The following GRID1 variants were observed in gnomAD, a reference collection of about 807,000 sequenced individuals.
The protein encoded by GRID1 is glutamate ionotropic receptor delta type subunit 1.
In GRID1, 28 loss-of-function variants were observed where a neutral mutation model predicts 98.0. That is an observed-to-expected ratio of 0.29 (90% CI 0.21 to 0.39). The LOEUF (loss-of-function observed/expected upper bound fraction) is 0.39. Among genes scored for constraint, GRID1 ranks in the 10% least tolerant of loss-of-function variants. The pLI is 1.00. For synonymous variants in GRID1, 553 were observed against 538.5 expected (o/e 1.03, Z -0.37); for missense variants, 1,111 against 1,340.5 (o/e 0.83, Z 2.67).
At chr10:85,893,104 C>A (rs770863648) in intron 5 of GRID1, among the ~76,000 whole-genome samples, 64 of 152,020 alleles carry the variant, frequency 4.2e-4, no homozygotes, top group African/African-American at 6.3e-4. Flanking sequence ...CAATTTAGTT[C>A]TCCACCCTAA....
rs145987600 is a variant in GRID1 at position 86,280,375 on chromosome 10, C to G, written c.236-73727G>C. On this transcript the variant is annotated intron_variant, in intron 2 of 15. Transcript: ENST00000327946. Reference sequence around the variant, plus strand: ...TCTTCTCCCTCCTCTACTTGCTGCTCCTTCAATGATTCCTTGTTCTTCATT... The same window carrying G: ...TCTTCTCCCTCCTCTACTTGCTGCTGCTTCAATGATTCCTTGTTCTTCATT... Among the ~76,000 whole-genome samples, 585 of 152,268 alleles carry G rather than the reference C, an allele frequency of 3.8e-3. 3 individuals carry two copies. The highest frequency in any genetic ancestry group is 0.014 in the African/African-American group (565 of 41,550).
At chr10:86,316,692 G>A (rs1847904357) in intron 2 of GRID1, among the ~76,000 whole-genome samples, 1 of 150,786 alleles carries the variant, frequency 6.6e-6, no homozygotes, top group African/African-American at 2.5e-5. Flanking sequence ...AAGCCCCAGG[G>A]CTCCTGAGCA....
At chr10:86,118,435 A>G (rs1443556446) in intron 4 of GRID1, among the ~76,000 whole-genome samples, 2 of 152,158 alleles carry the variant, frequency 1.3e-5, no homozygotes, top group Non-Finnish European at 2.9e-5. Context: ...CCACTAAAGA[A>G]TTTATTCATG....
At chr10:85,674,335 C>T (rs1590184885) in intron 12 of GRID1, among the ~76,000 whole-genome samples, 1 of 151,962 alleles carries the variant, frequency 6.6e-6, no homozygotes, top group Non-Finnish European at 1.5e-5. Context: ...GAACGGGTGC[C>T]CAAGAAATGT....
chr10:86,014,789 A>G (rs903420721), intron 4 of GRID1, among the ~76,000 whole-genome samples: 2 of 151,648 alleles, frequency 1.3e-5, no homozygotes, highest in Non-Finnish European at 2.9e-5. Context: ...ATCTCCTACT[A>G]CTCTCCTTCT....
chr10:86,060,931 C>G (rs528050214), intron 4 of GRID1, among the ~76,000 whole-genome samples: 2 of 152,282 alleles, frequency 1.3e-5, no homozygotes, highest in African/African-American at 2.4e-5. Flanking sequence ...ACTAGCAGAT[C>G]AGTTGACTCT....
chr10:86,366,424 C>G lies in GRID1; in HGVS notation c.-32G>C, dbSNP rs766400375. 1.4e-6 allele frequency: 2 copies of G among 1,458,118 alleles called. No individual in the cohort carries two copies. The highest frequency in any genetic ancestry group is 1.3e-5 in the South Asian group (1 of 77,910). 90.3% of individuals were successfully genotyped at this position (1,458,118 alleles called of 1,614,324 possible). ...CGGGCGCGCGGCTCATCCACCCGGG[C>G]CCGGGGCGAGGCCGAGGGCAGCGCG... is the stretch of plus-strand genomic sequence containing the variant. On this transcript the variant is annotated 5_prime_UTR_variant, in exon 1 of 16. Transcript: ENST00000327946. The surrounding 1 kb of genome is among the most constrained non-coding windows in gnomAD (Gnocchi z 4.1).
At chr10:85,679,068 T>C (rs1841177674) in intron 12 of GRID1, among the ~76,000 whole-genome samples, 1 of 152,214 alleles carries the variant, frequency 6.6e-6, no homozygotes, top group Non-Finnish European at 1.5e-5. Context: ...ACATGCCCCA[T>C]CACATCTAGG....
intron 4 of GRID1, among the ~76,000 whole-genome samples, chr10:86,036,532 A>C (rs1564656227): frequency 6.6e-6 from 1 of 152,070 alleles, no homozygotes; most frequent in Non-Finnish European, 1.5e-5. Flanking sequence ...CCCAAGAAGG[A>C]CCAGCCAGAG....
At chr10:85,758,202 T>G (rs1348091866) in intron 8 of GRID1, among the ~76,000 whole-genome samples, 3 of 152,242 alleles carry the variant, frequency 2.0e-5, no homozygotes, top group Non-Finnish European at 4.4e-5. Context: ...CTATAACCAT[T>G]TTAATTATCT....
intron 3 of GRID1, among the ~76,000 whole-genome samples, chr10:86,174,227 C>A (rs536860314): frequency 1.3e-5 from 2 of 152,042 alleles, no homozygotes; most frequent in Admixed American, 1.3e-4. Context: ...CATCACGCTA[C>A]CTGACTTCAA....
At chr10:85,795,689 C>T (rs1029688462) in intron 8 of GRID1, among the ~76,000 whole-genome samples, 1 of 152,162 alleles carries the variant, frequency 6.6e-6, no homozygotes, top group Admixed American at 6.5e-5. Context: ...AACGGCACGT[C>T]GAATCCTGGC....
intron 2 of GRID1, among the ~76,000 whole-genome samples, chr10:86,315,031 G>A (rs1324030111): frequency 6.6e-6 from 1 of 152,032 alleles, no homozygotes; most frequent in Non-Finnish European, 1.5e-5. Flanking sequence ...GCTGGCATCC[G>A]ATCCTGTTGT....
chr10:85,863,969 C>A (rs781505012), intron 6 of GRID1, among the ~76,000 whole-genome samples: 1 of 152,226 alleles, frequency 6.6e-6, no homozygotes, highest in Non-Finnish European at 1.5e-5. Context: ...ATCCTCCCAA[C>A]ACCAAAGCTG....
intron 8 of GRID1, among the ~76,000 whole-genome samples, chr10:85,759,218 C>G (rs1842125188): frequency 6.6e-6 from 1 of 152,152 alleles, no homozygotes; most frequent in Non-Finnish European, 1.5e-5. Flanking sequence ...CCTGGCTGCC[C>G]CTTGAGGTCA....
intron 8 of GRID1, among the ~76,000 whole-genome samples, chr10:85,850,977 G>A (rs529337451): frequency 1.9e-4 from 29 of 152,264 alleles, no homozygotes; most frequent in African/African-American, 6.7e-4. Context: ...CCTACACCCA[G>A]CAGCTTCCCA....
chr10:85,862,117 T>C (rs1213421348), intron 6 of GRID1, among the ~76,000 whole-genome samples: 1 of 152,180 alleles, frequency 6.6e-6, no homozygotes, highest in East Asian at 1.9e-4. Context: ...TCCCCTGCTC[T>C]CTCAGGCCTC....
intron 12 of GRID1, among the ~76,000 whole-genome samples, chr10:85,705,694 T>C (rs1037317265): frequency 2.0e-5 from 3 of 152,174 alleles, no homozygotes; most frequent in Non-Finnish European, 4.4e-5. Context: ...TGAACATCGA[T>C]GCAAAAATCC....
intron 5 of GRID1, among the ~76,000 whole-genome samples, chr10:85,909,283 G>A (rs971733663): frequency 1.3e-5 from 2 of 152,194 alleles, no homozygotes; most frequent in East Asian, 1.9e-4. Flanking sequence ...CAAAAACCCC[G>A]ACCATACCAA....
Sources: gnomAD v4.1 joint callset for allele counts (sites outside exome capture counted in the v4.1 genomes callset) on GRCh38, gnomAD v4.1.1 for gene constraint, Gnocchi (gnomAD v3.1) non-coding constraint, MANE v1.5 for transcripts, NCBI Gene and HGNC (gene_info 2026-07-23, HGNC 2026-07-21) for gene names.